C12orf42: variants seen among roughly 807,000 people sequenced by gnomAD.
C12orf42 encodes uncharacterized protein C12orf42.
In C12orf42, 25 loss-of-function variants were observed where a neutral mutation model predicts 21.6. The ratio of observed to expected loss-of-function variants is 1.16; its 90% CI spans 0.84 to 1.62. The LOEUF (loss-of-function observed/expected upper bound fraction) is 1.62, where lower values mean the gene tolerates loss of function less well. C12orf42 is among the 40% of genes most tolerant of loss of function. The pLI is 0.00. For missense variants in C12orf42, 483 were observed against 459.3 expected, an observed-to-expected ratio of 1.05 and a Z score of -0.47; for synonymous variants, 174 against 175.0, an observed-to-expected ratio of 0.99 and a Z score of 0.05.
At position 103,363,313 on chromosome 12, in the gene C12orf42, C is replaced by T. The variant is rs575748232; in HGVS notation, c.259+5574G>A. 2.0e-5 allele frequency among the ~76,000 whole-genome samples: 3 copies of T among 152,214 alleles called. No homozygotes were observed. The East Asian group carries it at 5.8e-4, about 29-fold the overall frequency. On this transcript the variant is annotated intron_variant, in intron 4 of 5. Coordinates refer to ENST00000548883, the MANE Select transcript of C12orf42 (RefSeq NM_198521.5). ...AAACAAATGCTGAAGTAATTTGCCA[C>T]TAACAAGCCAGCACTAAACTGCTAA...
intron 10 of C12orf42, among the ~76,000 whole-genome samples, chr12:103,251,155 G>A (rs2034279520): frequency 6.6e-6 from 1 of 151,598 alleles, no homozygotes; most frequent in Non-Finnish European, 1.5e-5. Flanking sequence ...TGGTCATGCT[G>A]GCATGAAAGG....
intron 4 of C12orf42, among the ~76,000 whole-genome samples, chr12:103,327,092 G>A (rs988176019): frequency 3.3e-5 from 5 of 152,164 alleles, no homozygotes; most frequent in Non-Finnish European, 7.4e-5. Flanking sequence ...GGGAGGGGAC[G>A]AGGTAGGGGC....
intron 4 of C12orf42, among the ~76,000 whole-genome samples, chr12:103,353,939 T>C (rs1316081302): frequency 6.6e-6 from 1 of 152,112 alleles, no homozygotes; most frequent in Non-Finnish European, 1.5e-5. Context: ...GAGAAAGAAA[T>C]CTTCAGGGAA....
intron 10 of C12orf42, among the ~76,000 whole-genome samples, chr12:103,240,897 ATGCCC>A (rs2033706093): frequency 6.6e-6 from 1 of 152,132 alleles, no homozygotes; most frequent in Admixed American, 6.6e-5. Context: ...AACACAGTAG[ATGCCC>A]TGCATGTGTT....
chr12:103,502,370 T>C, the C12orf42 span, among the ~76,000 whole-genome samples: 1 of 152,212 alleles, frequency 6.6e-6, no homozygotes, highest in East Asian at 1.9e-4. Flanking sequence ...AATCAGATCA[T>C]GGCACAGCAT....
chr12:103,518,886 T>C, the C12orf42 span, among the ~76,000 whole-genome samples: 9 of 152,158 alleles, frequency 5.9e-5, no homozygotes, highest in Admixed American at 4.6e-4. Flanking sequence ...AAAATCTGGA[T>C]CTGAACCTAA....
rs1258663057 is a variant in C12orf42 at position 103,438,944 on chromosome 12, C to T, written c.79-37269G>A. Among the ~76,000 whole-genome samples the T allele has an allele frequency of 4.6e-5, 7 of 152,104 alleles. No individual in the cohort carries two copies. In the South Asian group the frequency reaches 1.0e-3, roughly 23 times the overall value. Reference sequence around the variant, plus strand: ...TATGGAACCAAAAAAGAGCCCGCATCGCCAAGGCAATCATAAGGCAAAAGA... The same window carrying T: ...TATGGAACCAAAAAAGAGCCCGCATTGCCAAGGCAATCATAAGGCAAAAGA... On this transcript the variant is annotated intron_variant, in intron 2 of 5. Transcript: ENST00000548883.
the C12orf42 span, among the ~76,000 whole-genome samples, chr12:103,153,649 AAGAC>A: frequency 6.6e-6 from 1 of 152,156 alleles, no homozygotes; most frequent in Non-Finnish European, 1.5e-5. Flanking sequence ...CAAAATAAAA[AAGAC>A]AGACCAGTAT....
chr12:103,329,764 T>C (rs796698480), intron 4 of C12orf42, among the ~76,000 whole-genome samples: 4 of 152,054 alleles, frequency 2.6e-5, no homozygotes, highest in African/African-American at 9.6e-5. Context: ...GGGGGAAAAG[T>C]ACATAGCCAC....
At position 103,482,004 on chromosome 12, in the gene C12orf42, C is replaced by T. The variant is rs955583092; in HGVS notation, c.-21-3557G>A. ...ACAAGGTTCTTTAACATGGACCACC[C>T]ACTGCCAAATTCAAAGCTGTTGTTG... is the stretch of plus-strand genomic sequence containing the variant. On this transcript the variant is annotated intron_variant, in intron 1 of 5. Transcript: ENST00000548883. Among the ~76,000 whole-genome samples, 4 of 151,980 alleles carry T rather than the reference C, an allele frequency of 2.6e-5. No individual in the cohort carries two copies. The South Asian group carries it at 8.3e-4, about 31-fold the overall frequency.
At chr12:103,479,793 G>A (rs1052718457) in intron 1 of C12orf42, among the ~76,000 whole-genome samples, 6 of 151,850 alleles carry the variant, frequency 4.0e-5, no homozygotes, top group East Asian at 1.9e-4. Context: ...AAAAAACAAC[G>A]CAGTCATAAC....
downstream of C12orf42, among the ~76,000 whole-genome samples, chr12:103,301,577 G>C (rs1851432860): frequency 1.3e-5 from 2 of 152,064 alleles, no homozygotes; most frequent in African/African-American, 4.8e-5. Context: ...CCTCAAACTG[G>C]GGTCCAGCTT....
At chr12:103,478,532 C>A in intron 1 of C12orf42, 85 bp from the exon 2 acceptor site, 2 of 572,510 alleles carry the variant, frequency 3.5e-6, no homozygotes, top group Non-Finnish European at 5.8e-6. Flanking sequence ...CTTTAAGAGC[C>A]AGAATCATCC....
the C12orf42 span, among the ~76,000 whole-genome samples, chr12:103,531,317 A>G: frequency 6.6e-6 from 1 of 152,186 alleles, no homozygotes; most frequent in Non-Finnish European, 1.5e-5. Flanking sequence ...AAAACCTGCC[A>G]CATCCTGAGT....
chr12:103,397,552 G>T (rs1303882249), intron 3 of C12orf42: 1 of 152,216 alleles, frequency 6.6e-6, no homozygotes, highest in Non-Finnish European at 1.5e-5. Context: ...TAAGGTGGAA[G>T]AGTTTCATCC....
intron 4 of C12orf42, among the ~76,000 whole-genome samples, chr12:103,355,277 A>T (rs1177649255): frequency 1.3e-5 from 2 of 152,014 alleles, no homozygotes; most frequent in African/African-American, 4.8e-5. Flanking sequence ...GTCTTACCAT[A>T]TGGATCTCTG....
intron 2 of C12orf42, among the ~76,000 whole-genome samples, chr12:103,429,840 G>A (rs946752790): frequency 6.6e-6 from 1 of 152,086 alleles, no homozygotes; most frequent in Non-Finnish European, 1.5e-5. Flanking sequence ...TCTGATCTTT[G>A]ACAAACCTGA....
intron 4 of C12orf42, among the ~76,000 whole-genome samples, chr12:103,320,710 G>C (rs1264969248): frequency 6.6e-6 from 1 of 151,762 alleles, no homozygotes; most frequent in African/African-American, 2.4e-5. Context: ...TTAAAAAGTT[G>C]GACTTTATTT....
At chr12:103,390,170 T>C (rs2046953091) in intron 3 of C12orf42, among the ~76,000 whole-genome samples, 1 of 152,136 alleles carries the variant, frequency 6.6e-6, no homozygotes, top group Admixed American at 6.5e-5. Context: ...CCTGCTCCCT[T>C]AGTCATGGTT....
Sources: allele counts gnomAD v4.1 joint callset (sites outside exome capture counted in the v4.1 genomes callset), GRCh38; gene constraint gnomAD v4.1.1; transcripts MANE v1.5; gene names NCBI Gene and HGNC (gene_info 2026-07-23, HGNC 2026-07-21).